RBM47: variants seen among roughly 807,000 people sequenced by gnomAD.
The protein encoded by RBM47 is RNA binding motif protein 47.
In RBM47, 21 loss-of-function variants were observed where a neutral mutation model predicts 47.1. The ratio of observed to expected loss-of-function variants is 0.45; its 90% CI spans 0.32 to 0.64. RBM47 has a LOEUF of 0.64. Among genes scored for constraint, RBM47 ranks in the 30% least tolerant of loss-of-function variants. RBM47 has a pLI of 0.05. For missense variants in RBM47, 708 were observed against 870.9 expected (o/e 0.81, Z 2.35); for synonymous variants, 375 against 361.7 (o/e 1.04, Z -0.42).
intron 1 of RBM47, among the ~76,000 whole-genome samples, chr4:40,620,279 G>A (rs886472735): frequency 7.3e-5 from 11 of 151,228 alleles, no homozygotes; most frequent in Non-Finnish European, 1.5e-4. Context: ...AGGTCAAGGC[G>A]GGCGGATCAC....
intron 3 of RBM47, among the ~76,000 whole-genome samples, chr4:40,458,536 T>C (rs1284072974): frequency 6.6e-6 from 1 of 152,202 alleles, no homozygotes; most frequent in Non-Finnish European, 1.5e-5. Flanking sequence ...GTGGGGTATT[T>C]TGGAAGCTAA....
intron 1 of RBM47, among the ~76,000 whole-genome samples, chr4:40,609,469 C>T (rs1465041072): frequency 6.6e-6 from 1 of 151,526 alleles, no homozygotes; most frequent in African/African-American, 2.4e-5. Context: ...CCCGCCACCA[C>T]GCCCGGCTAA....
At chr4:40,510,187 CAAAAAAAAA>C (rs1192114584) in intron 2 of RBM47, among the ~76,000 whole-genome samples, 1 of 104,246 alleles carries the variant, frequency 9.6e-6, no homozygotes, top group Non-Finnish European at 1.9e-5. Context: ...AACTCCATCT[CAAAAAAAAA>C]AAAAAAAAAA....
At chr4:40,504,450 C>T (rs2154251169) in intron 2 of RBM47, among the ~76,000 whole-genome samples, 1 of 152,136 alleles carries the variant, frequency 6.6e-6, no homozygotes, top group Non-Finnish European at 1.5e-5. Context: ...GCCACCACAC[C>T]TGACTAATCT....
intron 2 of RBM47, among the ~76,000 whole-genome samples, chr4:40,515,409 G>C (rs1484240894): frequency 6.6e-6 from 1 of 152,074 alleles, no homozygotes; most frequent in African/African-American, 2.4e-5. Flanking sequence ...GAATTACTTA[G>C]CTACAGTCAA....
intron 2 of RBM47, among the ~76,000 whole-genome samples, chr4:40,480,253 C>T (rs1279362062): frequency 6.6e-6 from 1 of 152,122 alleles, no homozygotes; most frequent in East Asian, 1.9e-4. Context: ...GTTAGGATTA[C>T]AGCCGTGAGC....
chr4:40,537,699 G>A (rs62304568), intron 2 of RBM47, among the ~76,000 whole-genome samples: 23,865 of 152,162 alleles, frequency 0.16, 1,992 homozygotes, highest in East Asian at 0.23. Flanking sequence ...CCAAATATCT[G>A]TTTGGGTCCA....
Position 40,437,823 on chromosome 4 carries a change from G to A in RBM47, c.1071C>T (p.Tyr357=), listed in dbSNP as rs910766279. Residue 357 remains tyrosine (Y), a synonymous_variant, in exon 4 of 7, where the codon TAC becomes TAT. Transcript: ENST00000295971. ...CAATGAGCGCGTTGTAGGGGTAGCC[G>A]TAGTAGGCCAGTGTGTAGGGGTCGC... ...YSCDPYTLAY[Y]GYPYNALIGP... 5 of 1,613,024 alleles carry A rather than the reference G, an allele frequency of 3.1e-6. No homozygotes were observed. Among genetic ancestry groups the A allele is most frequent in the South Asian group, 2.2e-5 (2 of 91,048 alleles).
intron 2 of RBM47, among the ~76,000 whole-genome samples, chr4:40,536,739 T>C (rs1728032073): frequency 6.6e-6 from 1 of 151,862 alleles, no homozygotes; most frequent in African/African-American, 2.4e-5. Context: ...TTTTTATTGT[T>C]GTTGTTGACA....
rs1333314189 is a variant in RBM47, at chr4:40,581,780, AAAG to A, written c.-239-37277_-239-37275del. ...TATGGCATCAGTCCTGCAAGAGGGA[AAAG>A]AAGTGAAAGGGAGCTTCAGCAGCTC... On this transcript the variant is annotated intron_variant, in intron 1 of 6. Transcript: ENST00000295971. Among the ~76,000 whole-genome samples the A allele has an allele frequency of 3.3e-5, 5 of 152,032 alleles. No individual in the cohort carries two copies. The East Asian group carries it at 7.8e-4, about 24-fold the overall frequency.
intron 1 of RBM47, among the ~76,000 whole-genome samples, chr4:40,582,001 T>C (rs61701394): frequency 0.074 from 11,255 of 151,978 alleles, 1,057 homozygotes; most frequent in East Asian, 0.27. Context: ...CCCAGGTCCC[T>C]ACACCAGAAT....
chr4:40,553,443 G>A (rs149384495), intron 1 of RBM47, among the ~76,000 whole-genome samples: 18 of 152,134 alleles, frequency 1.2e-4, no homozygotes, highest in Admixed American at 3.9e-4. Flanking sequence ...GATTACAGGC[G>A]CATGCCACTA....
intron 3 of RBM47, among the ~76,000 whole-genome samples, chr4:40,449,676 A>G (rs35215500): frequency 0.23 from 35,098 of 151,966 alleles, 4,399 homozygotes; most frequent in East Asian, 0.48. Flanking sequence ...GGAAACTATT[A>G]TCTTGTTCCC....
chr4:40,488,238 C>T (rs1045113776), intron 2 of RBM47, among the ~76,000 whole-genome samples: 1 of 149,606 alleles, frequency 6.7e-6, no homozygotes, highest in African/African-American at 2.5e-5. Context: ...CACTTGAACC[C>T]GGGAGGCAGA....
chr4:40,570,827 G>A (rs1409463366), intron 1 of RBM47, among the ~76,000 whole-genome samples: 1 of 150,908 alleles, frequency 6.6e-6, no homozygotes, highest in Non-Finnish European at 1.5e-5. Flanking sequence ...GTCAGAAAGT[G>A]GGTAAATGCT....
At chr4:40,615,699 T>G (rs1204689445) in intron 1 of RBM47, among the ~76,000 whole-genome samples, 2 of 151,980 alleles carry the variant, frequency 1.3e-5, no homozygotes, top group Admixed American at 6.6e-5. Flanking sequence ...GAGAATCGCT[T>G]GAACCTGGGA....
At chr4:40,519,621 C>T (rs1042329336) in intron 2 of RBM47, among the ~76,000 whole-genome samples, 20 of 149,142 alleles carry the variant, frequency 1.3e-4, no homozygotes, top group African/African-American at 5.0e-4. Context: ...ACCTTGGTCT[C>T]CTCACCCTCC....
intron 4 of RBM47, 159 bp from the exon 5 acceptor site, chr4:40,436,806 A>G: frequency 2.7e-6 from 2 of 743,700 alleles, no homozygotes; most frequent in South Asian, 1.4e-5. Flanking sequence ...CCAACATTCT[A>G]TTTCAGCCTA....
At chr4:40,558,643 C>G (rs1730322594) in intron 1 of RBM47, among the ~76,000 whole-genome samples, 1 of 151,528 alleles carries the variant, frequency 6.6e-6, no homozygotes, top group African/African-American at 2.4e-5. Context: ...GCCTGGCCAA[C>G]ATGGTGAAAC....
Sources: allele counts gnomAD v4.1 joint callset (sites outside exome capture counted in the v4.1 genomes callset), GRCh38; gene constraint gnomAD v4.1.1; transcripts MANE v1.5; gene names NCBI Gene and HGNC (gene_info 2026-07-23, HGNC 2026-07-21).